FHIT: variants seen among roughly 807,000 people sequenced by gnomAD.
The protein encoded by FHIT is fragile histidine triad diadenosine triphosphatase, also known as bis(5'-adenosyl)-triphosphatase.
Under a neutral mutation model 17.9 loss-of-function variants are expected in FHIT, and 19 were observed. The ratio of observed to expected loss-of-function variants is 1.06; its 90% CI spans 0.74 to 1.56. FHIT has a LOEUF of 1.56. FHIT is among the 40% of genes most tolerant of loss of function. FHIT has a pLI of 0.00. For synonymous variants in FHIT, 81 were observed against 69.7 expected (o/e 1.16, Z -0.81); for missense variants, 248 against 189.2 (o/e 1.31, Z -1.82).
intron 5 of FHIT, among the ~76,000 whole-genome samples, chr3:60,158,063 C>T (rs1274721724): frequency 3.9e-5 from 6 of 152,096 alleles, no homozygotes; most frequent in African/African-American, 1.4e-4. Flanking sequence ...CCTACCAGCT[C>T]ATCTTTGAAT....
intron 4 of FHIT, among the ~76,000 whole-genome samples, chr3:60,591,988 T>G (rs2038100761): frequency 6.6e-6 from 1 of 151,906 alleles, no homozygotes; most frequent in African/African-American, 2.4e-5. Flanking sequence ...CAGCTTCCAG[T>G]GTGTTTCAGA....
intron 8 of FHIT, among the ~76,000 whole-genome samples, chr3:59,792,984 AT>A (rs1699632446): frequency 6.6e-6 from 1 of 151,786 alleles, no homozygotes; most frequent in African/African-American, 2.4e-5. Context: ...CTGTACCTCC[AT>A]CCGCCTGCAC....
chr3:59,970,509 C>T lies in FHIT; in HGVS notation c.279+40862G>A, dbSNP rs72877009. 2.9e-3 allele frequency among the ~76,000 whole-genome samples: 443 copies of T among 152,168 alleles called. 3 individuals carry two copies. Among genetic ancestry groups the T allele is most frequent in the African/African-American group, 0.01 (424 of 41,542 alleles). The stretch of plus-strand genomic sequence containing the variant: ...AGACAAGCTGACAAATTTATTTTGT[C>T]ACGAGCAGCTGTGTTCTTATTTTTA... On this transcript the variant is annotated intron_variant, in intron 7 of 9. Transcript: ENST00000492590.
At chr3:60,252,895 G>A (rs1035591986) in intron 5 of FHIT, among the ~76,000 whole-genome samples, 2 of 152,042 alleles carry the variant, frequency 1.3e-5, no homozygotes, top group Admixed American at 1.3e-4. Flanking sequence ...CTACTCGGGA[G>A]GCTGAGGCAG....
chr3:60,222,632 T>C (rs1704014797), intron 5 of FHIT, among the ~76,000 whole-genome samples: 1 of 152,032 alleles, frequency 6.6e-6, no homozygotes, highest in African/African-American at 2.4e-5. Context: ...CTACTAAAAA[T>C]ACAAAAATTA....
intron 2 of FHIT, among the ~76,000 whole-genome samples, chr3:61,059,372 CTT>C (rs201797361): frequency 0.052 from 5,925 of 112,884 alleles, 48 homozygotes; most frequent in Non-Finnish European, 0.075. Context: ...TTGCTTTTTC[CTT>C]TTTTTTTTTT....
chr3:60,375,787 A>G (rs1247337644), intron 5 of FHIT, among the ~76,000 whole-genome samples: 1 of 151,892 alleles, frequency 6.6e-6, no homozygotes, highest in Non-Finnish European at 1.5e-5. Context: ...GGCTTAATCA[A>G]CTGTTCTGTA....
At chr3:60,433,862 T>C (rs1044508216) in intron 5 of FHIT, among the ~76,000 whole-genome samples, 6 of 152,120 alleles carry the variant, frequency 3.9e-5, no homozygotes, top group Admixed American at 3.9e-4. Context: ...TCCTATTCCA[T>C]AGGTGGCTTT....
At chr3:60,684,522 G>A (rs782231128) in intron 4 of FHIT, among the ~76,000 whole-genome samples, 3 of 151,988 alleles carry the variant, frequency 2.0e-5, no homozygotes, top group Non-Finnish European at 4.4e-5. Context: ...CACATTGTGT[G>A]ACCTGTCGTC....
intron 5 of FHIT, among the ~76,000 whole-genome samples, chr3:60,471,924 T>C (rs987088210): frequency 8.5e-5 from 13 of 152,190 alleles, no homozygotes; most frequent in African/African-American, 3.1e-4. Flanking sequence ...ATAAAGAGAT[T>C]AGGCTGACAT....
intron 5 of FHIT, among the ~76,000 whole-genome samples, chr3:60,532,472 C>A (rs1349001246): frequency 6.6e-6 from 1 of 152,122 alleles, no homozygotes; most frequent in Non-Finnish European, 1.5e-5. Flanking sequence ...AAGCCATGAA[C>A]AATAGCTGGG....
intron 8 of FHIT, among the ~76,000 whole-genome samples, chr3:59,784,469 C>G (rs965612793): frequency 6.6e-6 from 1 of 152,232 alleles, no homozygotes; most frequent in Non-Finnish European, 1.5e-5. Flanking sequence ...GAAAGCCATA[C>G]ATTGCCTTTG....
At chr3:60,479,036 T>G (rs1444499103) in intron 5 of FHIT, among the ~76,000 whole-genome samples, 1 of 152,136 alleles carries the variant, frequency 6.6e-6, no homozygotes, top group African/African-American at 2.4e-5. Flanking sequence ...TGTAGAACAT[T>G]CATGATGAAA....
intron 3 of FHIT, among the ~76,000 whole-genome samples, chr3:60,990,995 T>C (rs1300988020): frequency 6.6e-6 from 1 of 152,150 alleles, no homozygotes; most frequent in Admixed American, 6.5e-5. Flanking sequence ...CAGACAATTA[T>C]TAATATTCCA....
chr3:61,148,994 T>C (rs571293578), intron 2 of FHIT, among the ~76,000 whole-genome samples: 1 of 152,346 alleles, frequency 6.6e-6, no homozygotes, highest in South Asian at 2.1e-4. Context: ...GGCATAAAGT[T>C]TTCCATAGAA....
At chr3:60,293,068 A>G (rs900510886) in intron 5 of FHIT, among the ~76,000 whole-genome samples, 11 of 152,190 alleles carry the variant, frequency 7.2e-5, no homozygotes, top group Non-Finnish European at 1.3e-4. Flanking sequence ...CACAGCTTTC[A>G]GAGCATAAAA....
At chr3:61,240,621 C>G (rs908850886) in intron 1 of FHIT, among the ~76,000 whole-genome samples, 7 of 152,144 alleles carry the variant, frequency 4.6e-5, no homozygotes, top group Non-Finnish European at 1.0e-4. Flanking sequence ...ACAATTGAGT[C>G]TCTCTAAACT....
chr3:60,274,937 A>C (rs962662215), intron 5 of FHIT, among the ~76,000 whole-genome samples: 1 of 152,218 alleles, frequency 6.6e-6, no homozygotes, highest in Non-Finnish European at 1.5e-5. Flanking sequence ...TTTCATTCCC[A>C]AACAGAATTA....
At chr3:60,592,577 C>A (rs2038124032) in intron 4 of FHIT, among the ~76,000 whole-genome samples, 1 of 152,126 alleles carries the variant, frequency 6.6e-6, no homozygotes. Context: ...GCATTCCAGC[C>A]ATGCCATTCA....
Sources: gnomAD v4.1 joint callset for allele counts (sites outside exome capture counted in the v4.1 genomes callset) on GRCh38, gnomAD v4.1.1 for gene constraint, MANE v1.5 for transcripts, NCBI Gene and HGNC (gene_info 2026-07-23, HGNC 2026-07-21) for gene names.